The following NRG1 variants were observed in gnomAD, a reference collection of about 807,000 sequenced individuals.
The protein encoded by NRG1 is pro-neuregulin-1, membrane-bound isoform.
A neutral mutation model predicts 63.8 loss-of-function variants in NRG1; 18 were observed. The observed-to-expected ratio is 0.28, with a 90% CI of 0.19 to 0.42. The LOEUF (loss-of-function observed/expected upper bound fraction) is 0.42. NRG1 is among the 10% of genes least tolerant of loss of function. NRG1 has a pLI of 1.00. For synonymous variants in NRG1, 302 were observed against 301.3 expected (o/e 1.00, Z -0.02); for missense variants, 762 against 814.7 (o/e 0.94, Z 0.79).
chr8:31,968,510 C>G (rs1174683262), intron 1 of NRG1, among the ~76,000 whole-genome samples: 1 of 152,076 alleles, frequency 6.6e-6, no homozygotes, highest in South Asian at 2.1e-4. Context: ...TAACCAGAAG[C>G]CCCAAAAGAG....
intron 1 of NRG1, among the ~76,000 whole-genome samples, chr8:32,591,063 A>G (rs1378869827): frequency 6.6e-6 from 1 of 152,210 alleles, no homozygotes; most frequent in Admixed American, 6.5e-5. Flanking sequence ...CAGAACATCC[A>G]TAAGTCAAGG....
chr8:32,723,556 C>A (rs1821205388), intron 5 of NRG1, among the ~76,000 whole-genome samples: 2 of 151,298 alleles, frequency 1.3e-5, no homozygotes, highest in African/African-American at 2.4e-5. Context: ...TGTGGTGGCG[C>A]ATGGCTGTAG....
intron 5 of NRG1, chr8:32,648,500 C>T: frequency 7.0e-7 from 1 of 1,418,812 alleles, no homozygotes; most frequent in East Asian, 2.5e-5. Flanking sequence ...TTTGTTTAAG[C>T]AAAGCCTATG....
chr8:31,843,782 A>G (rs1826415613), intron 1 of NRG1, among the ~76,000 whole-genome samples: 1 of 152,230 alleles, frequency 6.6e-6, no homozygotes, highest in Non-Finnish European at 1.5e-5. Context: ...TTACACAAGG[A>G]AACTTCTACT....
At chr8:31,992,296 A>G (rs997254910) in intron 1 of NRG1, among the ~76,000 whole-genome samples, 5 of 152,072 alleles carry the variant, frequency 3.3e-5, no homozygotes, top group Admixed American at 3.3e-4. Context: ...GTACCAAAAA[A>G]CAGAGAATTT....
intron 1 of NRG1, among the ~76,000 whole-genome samples, chr8:31,768,315 T>C (rs1202573043): frequency 6.6e-6 from 1 of 152,204 alleles, no homozygotes; most frequent in Non-Finnish European, 1.5e-5. Context: ...TATCTGCTGC[T>C]TAGAGTGAAG....
intron 5 of NRG1, among the ~76,000 whole-genome samples, chr8:32,632,366 A>G (rs1850486402): frequency 6.6e-6 from 1 of 152,008 alleles, no homozygotes; most frequent in African/African-American, 2.4e-5. Context: ...CAGCCTCAAC[A>G]TGGAGAAACC....
intron 1 of NRG1, among the ~76,000 whole-genome samples, chr8:32,048,157 A>G (rs569320186): frequency 6.6e-6 from 1 of 151,866 alleles, no homozygotes; most frequent in South Asian, 2.1e-4. Context: ...CCACTGATGG[A>G]CACTGAGGTT....
At chr8:32,067,786 G>T (rs181620683) in intron 1 of NRG1, among the ~76,000 whole-genome samples, 1 of 151,982 alleles carries the variant, frequency 6.6e-6, no homozygotes, top group African/African-American at 2.4e-5. Context: ...ATCCATACAC[G>T]ATTACTAAGA....
chr8:32,240,814 A>C (rs1481731), intron 1 of NRG1, among the ~76,000 whole-genome samples: 66,178 of 151,900 alleles, frequency 0.44, 15,127 homozygotes, highest in Admixed American at 0.49. Context: ...GAAGAATTTT[A>C]GAGACTCTTT....
intron 1 of NRG1, among the ~76,000 whole-genome samples, chr8:32,389,481 ACT>A (rs779282058): frequency 2.6e-5 from 4 of 151,862 alleles, no homozygotes; most frequent in Non-Finnish European, 4.4e-5. Flanking sequence ...ATATGTGCCA[ACT>A]CTCTCTTCTT....
At chr8:32,088,571 G>T (rs1767280112) in intron 1 of NRG1, among the ~76,000 whole-genome samples, 2 of 148,878 alleles carry the variant, frequency 1.3e-5, no homozygotes, top group African/African-American at 5.0e-5. Context: ...AGGCTGGAGT[G>T]CAGTGGTGCG....
chr8:32,264,703 T>G (rs1324850927), intron 1 of NRG1, among the ~76,000 whole-genome samples: 1 of 152,148 alleles, frequency 6.6e-6, no homozygotes, highest in Non-Finnish European at 1.5e-5. Flanking sequence ...AGAAACTAAT[T>G]GTGGCATTTA....
At chr8:32,203,118 G>A (rs1454470303) in intron 1 of NRG1, among the ~76,000 whole-genome samples, 1 of 151,280 alleles carries the variant, frequency 6.6e-6, no homozygotes, top group Non-Finnish European at 1.5e-5. Context: ...TCTGCCACTG[G>A]CTTTGTGGTC....
intron 1 of NRG1, among the ~76,000 whole-genome samples, chr8:31,879,527 T>A (rs565787206): frequency 1.3e-5 from 2 of 152,304 alleles, no homozygotes; most frequent in South Asian, 4.1e-4. Flanking sequence ...CAGGGTCAGA[T>A]CTGGAAGAGG....
chr8:32,051,121 A>T (rs774657011), intron 1 of NRG1, among the ~76,000 whole-genome samples: 1 of 152,132 alleles, frequency 6.6e-6, no homozygotes, highest in Non-Finnish European at 1.5e-5. Flanking sequence ...GGAGCAGGAG[A>T]TGCTCTTGTG....
chr8:32,079,362 C>T (rs775979705), intron 1 of NRG1, among the ~76,000 whole-genome samples: 2 of 152,094 alleles, frequency 1.3e-5, no homozygotes, highest in African/African-American at 4.8e-5. Flanking sequence ...TGAACAAAAG[C>T]AATGTCCAGG....
intron 1 of NRG1, among the ~76,000 whole-genome samples, chr8:31,756,682 T>C (rs1319918943): frequency 1.3e-5 from 2 of 152,114 alleles, no homozygotes; most frequent in Non-Finnish European, 2.9e-5. Flanking sequence ...TTTACTACTA[T>C]TAGAAACAAA....
chr8:32,255,241 T>C (rs1407646295), intron 1 of NRG1, among the ~76,000 whole-genome samples: 1 of 152,246 alleles, frequency 6.6e-6, no homozygotes, highest in Non-Finnish European at 1.5e-5. Flanking sequence ...ATTATGATGC[T>C]AGCTGGTTAT....
Sources: allele counts gnomAD v4.1 joint callset (sites outside exome capture counted in the v4.1 genomes callset), GRCh38; gene constraint gnomAD v4.1.1; transcripts MANE v1.5; gene names NCBI Gene and HGNC (gene_info 2026-07-23, HGNC 2026-07-21).